Variants in DCLK1 observed in about 807,000 individuals in gnomAD.
DCLK1 encodes serine/threonine-protein kinase DCLK1.
DCLK1 carries 16 observed loss-of-function variants against 86.2 expected under a neutral mutation model. That is an observed-to-expected ratio of 0.19 (90% CI 0.13 to 0.28). The LOEUF (loss-of-function observed/expected upper bound fraction) is 0.28, where lower values mean the gene tolerates loss of function less well. DCLK1 is among the 10% of genes least tolerant of loss of function. The pLI, the probability that DCLK1 is intolerant of heterozygous loss-of-function variation, is 1.00. For missense variants in DCLK1, 590 were observed against 940.2 expected (o/e 0.63, Z 4.87); for synonymous variants, 369 against 370.5 (o/e 1.00, Z 0.05).
Position 35,910,881 on chromosome 13 carries a change from T to C in DCLK1, c.823+36477A>G, listed in dbSNP as rs531328128. Among the ~76,000 whole-genome samples the C allele has an allele frequency of 2.6e-5, 4 of 152,222 alleles. No individual in the cohort carries two copies. In the East Asian group the frequency reaches 7.7e-4, roughly 29 times the overall value. ...CATTTTAGAAACTAGCAAAAGACAA[T>C]GATGCATAATTGGCCGATTGAGGGA... is the stretch of plus-strand genomic sequence containing the variant. On this transcript the variant is annotated intron_variant, in intron 4 of 16. Coordinates refer to ENST00000360631, the MANE Select transcript of DCLK1 (RefSeq NM_001330071.2).
intron 3 of DCLK1, among the ~76,000 whole-genome samples, chr13:35,986,112 A>T (rs1043120325): frequency 6.6e-6 from 1 of 151,534 alleles, no homozygotes; most frequent in African/African-American, 2.4e-5. Flanking sequence ...GACCAGCCTG[A>T]CCAACATGGT....
intron 2 of DCLK1, among the ~76,000 whole-genome samples, chr13:36,119,837 A>T (rs1236121239): frequency 6.6e-6 from 1 of 152,220 alleles, no homozygotes; most frequent in African/African-American, 2.4e-5. Flanking sequence ...AAACGAAGGA[A>T]AGCCAAATGA....
chr13:35,899,841 C>T lies in DCLK1; in HGVS notation c.824-28501G>A, dbSNP rs1171061. ...CACATATAAATGAAGACAAAAAGAA[C>T]GCTATTGGTAAAAGATATGGCTTGC... is the stretch of plus-strand genomic sequence containing the variant. On this transcript the variant is annotated intron_variant, in intron 4 of 16. Coordinates refer to ENST00000360631, the MANE Select transcript of DCLK1 (RefSeq NM_001330071.2). 6.0e-3 allele frequency among the ~76,000 whole-genome samples: 919 copies of T among 152,130 alleles called. 3 individuals carry two copies. The highest frequency in any genetic ancestry group is 0.02 in the African/African-American group (815 of 41,514).
Position 35,929,886 on chromosome 13 carries a change from C to T in DCLK1, c.823+17472G>A, listed in dbSNP as rs189338221. On this transcript the variant is annotated intron_variant, in intron 4 of 16. Transcript: ENST00000360631. Reference sequence around the variant, plus strand: ...TTCTTTTTTTTTTTTTTACTAAAAGCTTATCTATGTGTTTATTTTCCAGAG... The same window carrying T: ...TTCTTTTTTTTTTTTTTACTAAAAGTTTATCTATGTGTTTATTTTCCAGAG... Among the ~76,000 whole-genome samples, 146 of 131,768 alleles carry T rather than the reference C, an allele frequency of 1.1e-3. 1 individual carries two copies. The highest frequency in any genetic ancestry group is 3.8e-3 in the African/African-American group (130 of 34,502). The allele number at this position is 131,768 out of a possible 152,430, so 86.4% of individuals were successfully genotyped here. A position where few individuals can be genotyped will look rare whatever the true frequency, so the allele number is the denominator to read the frequency against.
intron 3 of DCLK1, among the ~76,000 whole-genome samples, chr13:35,976,936 A>G (rs1054677623): frequency 1.3e-5 from 2 of 152,184 alleles, no homozygotes; most frequent in Non-Finnish European, 2.9e-5. Flanking sequence ...TCATCAGCAC[A>G]GTGTCCTCAA....
At chr13:36,056,639 AAG>A (rs1299486091) in intron 3 of DCLK1, among the ~76,000 whole-genome samples, 9 of 144,206 alleles carry the variant, frequency 6.2e-5, no homozygotes, top group African/African-American at 1.1e-4. Context: ...AAAAAAAAGA[AAG>A]AAATTCCAGA....
rs201628866 is a variant in DCLK1, at chr13:35,915,237, T to C, written c.823+32121A>G. On this transcript the variant is annotated intron_variant, in intron 4 of 16. Transcript: ENST00000360631. ...TTTTTTCAGAGTCACAGAAACTCAA[T>C]AGTTCTAGGTCAATACTATGAACCA... 2.6e-5 allele frequency among the ~76,000 whole-genome samples: 4 copies of C among 152,250 alleles called. No individual in the cohort carries two copies. In the East Asian group the frequency reaches 5.8e-4, roughly 22 times the overall value.
intron 3 of DCLK1, among the ~76,000 whole-genome samples, chr13:36,077,850 C>A (rs748746945): frequency 3.9e-5 from 6 of 152,080 alleles, no homozygotes; most frequent in Non-Finnish European, 8.8e-5. Flanking sequence ...ATGCTGATGT[C>A]GGGGACATAC....
At chr13:36,050,478 T>C (rs967414910) in intron 3 of DCLK1, among the ~76,000 whole-genome samples, 2 of 152,106 alleles carry the variant, frequency 1.3e-5, no homozygotes, top group East Asian at 1.9e-4. Flanking sequence ...TCAGGGAGAA[T>C]TGAGTGCCAA....
chr13:35,851,267 T>C (rs772613094), intron 6 of DCLK1, among the ~76,000 whole-genome samples: 10 of 152,172 alleles, frequency 6.6e-5, no homozygotes, highest in Non-Finnish European at 5.9e-5. Context: ...TCTCAAAATA[T>C]TATGTTTGGA....
intron 3 of DCLK1, among the ~76,000 whole-genome samples, chr13:35,962,579 A>C (rs1167565814): frequency 2.0e-5 from 3 of 152,234 alleles, no homozygotes; most frequent in Non-Finnish European, 2.9e-5. Context: ...GTTATTTATT[A>C]CAGAAGTTTT....
chr13:36,012,594 T>G (rs9546119), intron 3 of DCLK1, among the ~76,000 whole-genome samples: 6,354 of 143,840 alleles, frequency 0.044, 148 homozygotes, highest in Middle Eastern at 0.09. Context: ...TGCCGAGAGA[T>G]CCGCTGTTAG....
At chr13:36,045,328 G>GTATATATA (rs1257247083) in intron 3 of DCLK1, among the ~76,000 whole-genome samples, 14 of 45,228 alleles carry the variant, frequency 3.1e-4, no homozygotes, top group South Asian at 8.2e-4. Context: ...ATGTGTGTGT[G>GTATATATA]TGTGTATATA....
chr13:35,863,494 G>C (rs887275680), intron 5 of DCLK1, among the ~76,000 whole-genome samples: 3 of 152,184 alleles, frequency 2.0e-5, no homozygotes, highest in African/African-American at 7.2e-5. Context: ...TGGAGGTTCT[G>C]CTGGGGTGAA....
At chr13:36,093,477 C>G (rs1884906297) in intron 3 of DCLK1, among the ~76,000 whole-genome samples, 1 of 152,180 alleles carries the variant, frequency 6.6e-6, no homozygotes, top group Non-Finnish European at 1.5e-5. Context: ...TAAATGAAAA[C>G]AGCACCGTGT....
At position 35,827,662 on chromosome 13, in the gene DCLK1, T is replaced by C. The variant is rs199823512; in HGVS notation, c.1380A>G (p.Glu460=). ...TTACTAATTCCATGACAAGATACAG[T>C]TCAGTTGGCACATCCATCTCCTCAA... The part of the protein sequence containing the change: ...LLIEEMDVPT[E]LYLVMELVKG... Residue 460 remains glutamate (E), a synonymous_variant, in exon 10 of 17, where the codon GAA becomes GAG. Transcript: ENST00000360631. The C allele has an allele frequency of 2.7e-5, 43 of 1,614,032 alleles. No homozygotes were observed. The East Asian group carries it at 9.6e-4, about 36-fold the overall frequency.
intron 4 of DCLK1, among the ~76,000 whole-genome samples, chr13:35,881,497 T>C (rs1872899130): frequency 6.6e-6 from 1 of 152,196 alleles, no homozygotes; most frequent in Non-Finnish European, 1.5e-5. Context: ...ATGCAGATGA[T>C]GTTGGCTGAC....
At chr13:35,906,313 CT>C (rs11358132) in intron 4 of DCLK1, among the ~76,000 whole-genome samples, 12,041 of 137,320 alleles carry the variant, frequency 0.088, 950 homozygotes, top group African/African-American at 0.23. Context: ...CAAGTATTTT[CT>C]TTTTTTTTTT....
intron 3 of DCLK1, among the ~76,000 whole-genome samples, chr13:35,949,256 A>G (rs1022903313): frequency 6.6e-6 from 1 of 152,228 alleles, no homozygotes; most frequent in African/African-American, 2.4e-5. Flanking sequence ...TAATGTTCTA[A>G]TGTACACCAT....
Sources: gnomAD v4.1 joint callset for allele counts (sites outside exome capture counted in the v4.1 genomes callset) on GRCh38, gnomAD v4.1.1 for gene constraint, MANE v1.5 for transcripts, NCBI Gene and HGNC (gene_info 2026-07-23, HGNC 2026-07-21) for gene names.